Variants in ADGRF5 observed in about 807,000 individuals in gnomAD.
The protein encoded by ADGRF5 is adhesion G protein-coupled receptor F5.
A neutral mutation model predicts 132.3 loss-of-function variants in ADGRF5; 75 were observed. That is an observed-to-expected ratio of 0.57 (90% confidence interval 0.47 to 0.69). The LOEUF (loss-of-function observed/expected upper bound fraction) is 0.69. ADGRF5 is among the 30% of genes least tolerant of loss of function. The probability of loss-of-function intolerance (pLI) is 0.00; values close to 1 mark genes in which losing one functional copy is unlikely to be tolerated. For missense variants in ADGRF5, 1,516 were observed against 1,630.6 expected, an observed-to-expected ratio of 0.93 and a Z score of 1.21; for synonymous variants, 629 against 597.6, an observed-to-expected ratio of 1.05 and a Z score of -0.77.
intron 17 of ADGRF5, 96 bp from the exon 18 acceptor site, chr6:46,857,004 ACTT>A: frequency 1.1e-6 from 1 of 940,828 alleles, no homozygotes; most frequent in East Asian, 2.6e-5. Flanking sequence ...AATTTGTACT[ACTT>A]CTTTTTCCTT....
intron 1 of ADGRF5, among the ~76,000 whole-genome samples, chr6:46,937,249 T>A (rs1437639476): frequency 1.3e-5 from 2 of 151,646 alleles, no homozygotes; most frequent in East Asian, 1.9e-4. Context: ...TGTGTGTGTG[T>A]GTGAGTGTGT....
At chr6:46,880,720 T>C (rs920590457) in intron 8 of ADGRF5, among the ~76,000 whole-genome samples, 1 of 152,106 alleles carries the variant, frequency 6.6e-6, no homozygotes, top group Non-Finnish European at 1.5e-5. Context: ...GGGAGGTGAC[T>C]TGGAGAAACT....
At chr6:46,910,263 T>C (rs140819939) in intron 1 of ADGRF5, among the ~76,000 whole-genome samples, 1 of 152,310 alleles carries the variant, frequency 6.6e-6, no homozygotes, top group African/African-American at 2.4e-5. Flanking sequence ...GGATTGTGGG[T>C]AATAATTGCT....
chr6:46,903,096 G>T (rs1774938690), intron 2 of ADGRF5, among the ~76,000 whole-genome samples: 1 of 152,160 alleles, frequency 6.6e-6, no homozygotes, highest in Admixed American at 6.5e-5. Flanking sequence ...CCGGCATGGG[G>T]CTCACTGGGG....
chr6:46,928,237 T>G (rs1777354413), intron 1 of ADGRF5, among the ~76,000 whole-genome samples: 3 of 152,186 alleles, frequency 2.0e-5, no homozygotes, highest in Admixed American at 2.0e-4. Context: ...TTCCTAAGGA[T>G]GTTTATATTC....
In ADGRF5 at chr6:46,878,811, A is replaced by G. The variant is rs116652832; in HGVS notation, c.1037-406T>C. On this transcript the variant is annotated intron_variant, in intron 9 of 20. Coordinates refer to ENST00000283296, the MANE Select transcript of ADGRF5 (RefSeq NM_001098518.2). ...CCATATGTCTATAGCCCACCTCATC[A>G]TGCAGAGAAAAGAAGATGGCCCCAT... 9.0e-3 allele frequency among the ~76,000 whole-genome samples: 1,368 copies of G among 152,318 alleles called. 16 individuals are homozygous for G. Among genetic ancestry groups the G allele is most frequent in the African/African-American group, 0.031 (1,293 of 41,554 alleles).
In ADGRF5 at chr6:46,883,449, T is replaced by C. The variant is rs1581838836; in HGVS notation, c.612+110A>G. ...ATCTCAGATGTAAAAGAATAATAAA[T>C]CCACATCCGTAAATTCTGACAGATC... On this transcript the variant is annotated intron_variant, in intron 6 of 20. Coordinates refer to ENST00000283296, the MANE Select transcript of ADGRF5 (RefSeq NM_001098518.2). 6.1e-6 allele frequency: 4 copies of C among 654,738 alleles called. No individual in the cohort carries two copies. The South Asian group carries it at 7.6e-5, about 12-fold the overall frequency. The allele number at this position is 654,738 out of a possible 1,614,324, so 40.6% of individuals were successfully genotyped here. A position where few individuals can be genotyped will look rare whatever the true frequency, so the allele number is the denominator to read the frequency against.
intron 3 of ADGRF5, among the ~76,000 whole-genome samples, chr6:46,889,087 C>T (rs113284163): frequency 4.4e-4 from 67 of 151,176 alleles, no homozygotes; most frequent in African/African-American, 1.4e-3. Context: ...AAATTGTCTC[C>T]GGGTGGTTAC....
chr6:46,954,075 G>A (rs1383004199), intron 1 of ADGRF5, among the ~76,000 whole-genome samples: 2 of 151,828 alleles, frequency 1.3e-5, no homozygotes, highest in Non-Finnish European at 2.9e-5. Flanking sequence ...CCCAGCTAAG[G>A]AGTGAGCACC....
At chr6:46,878,107 A>C (rs978638303) in intron 10 of ADGRF5, 95 bp downstream of exon 10, 3 of 796,010 alleles carry the variant, frequency 3.8e-6, no homozygotes, top group African/African-American at 3.4e-5. Context: ...AATAACAGCC[A>C]TCTGACATTT....
At chr6:46,917,223 G>C (rs569780481) in intron 1 of ADGRF5, among the ~76,000 whole-genome samples, 1 of 152,328 alleles carries the variant, frequency 6.6e-6, no homozygotes, top group South Asian at 2.1e-4. Context: ...AAGTGGCCAA[G>C]TTTGTCTCCA....
chr6:46,951,245 C>T (rs1778489857), intron 1 of ADGRF5, among the ~76,000 whole-genome samples: 1 of 152,186 alleles, frequency 6.6e-6, no homozygotes, highest in African/African-American at 2.4e-5. Flanking sequence ...GGCATAGGAG[C>T]AACACGAAGC....
At chr6:46,880,960 T>G (rs1772397734) in intron 8 of ADGRF5, among the ~76,000 whole-genome samples, 1 of 150,732 alleles carries the variant, frequency 6.6e-6, no homozygotes, top group Non-Finnish European at 1.5e-5. Context: ...GTTAGCTGAG[T>G]ATGGAGGTGT....
chr6:46,862,585 GATA>G (rs1433007898), intron 15 of ADGRF5, among the ~76,000 whole-genome samples: 5 of 151,646 alleles, frequency 3.3e-5, no homozygotes, highest in Non-Finnish European at 7.4e-5. Context: ...TAAGAGAGAG[GATA>G]ATACCGCTGC....
At chr6:46,914,868 T>TG (rs1471153313) in intron 1 of ADGRF5, among the ~76,000 whole-genome samples, 3 of 152,102 alleles carry the variant, frequency 2.0e-5, no homozygotes, top group African/African-American at 7.2e-5. Context: ...TTTGTTTGTT[T>TG]TTTTTGAGAC....
rs960868596 is a variant in ADGRF5, at chr6:46,859,393, T to C, written c.2510A>G (p.Gln837Arg). The C allele has an allele frequency of 5.6e-6, 9 of 1,613,610 alleles. No homozygotes were observed. In the African/African-American group the frequency reaches 1.2e-4, roughly 22 times the overall value. Residue 837 changes from glutamine to arginine, a missense_variant, in exon 17 of 21, where the codon CAG becomes CGG. This residue lies in a region of ADGRF5 where 571 missense variants were observed against 701.2 expected (regional missense o/e 0.81). Transcript: ENST00000283296. ...HSVERFSQALQSGDSPPLSFS... is the reference protein window; with the variant it reads ...HSVERFSQALRSGDSPPLSFS... ...GGACAAAGGAGGGCTATCTCCCGAC[T>C]GTAATGCTTGGGAAAATCTTTCCAC... is the stretch of plus-strand genomic sequence containing the variant.
chr6:46,941,421 G>GAA (rs141941231), intron 1 of ADGRF5, among the ~76,000 whole-genome samples: 864 of 39,118 alleles, frequency 0.022, 20 homozygotes, highest in East Asian at 0.074. Flanking sequence ...GAAAAGAAAA[G>GAA]AAAAGAAAAG....
chr6:46,933,485 CT>C (rs1450751817), intron 1 of ADGRF5, among the ~76,000 whole-genome samples: 2 of 152,208 alleles, frequency 1.3e-5, no homozygotes, highest in Admixed American at 1.3e-4. Context: ...CACTGGTCTT[CT>C]CTGTCTCATA....
chr6:46,922,328 G>A (rs987095961), upstream of ADGRF5, among the ~76,000 whole-genome samples: 5 of 152,176 alleles, frequency 3.3e-5, no homozygotes, highest in African/African-American at 1.2e-4. Context: ...ATCCGCAGAA[G>A]AGAAGAGACC....
Sources: gnomAD v4.1 joint callset for allele counts (sites outside exome capture counted in the v4.1 genomes callset) on GRCh38, gnomAD v4.1.1 for gene constraint, gnomAD v4.1.1 regional missense constraint, MANE v1.5 for transcripts, NCBI Gene and HGNC (gene_info 2026-07-23, HGNC 2026-07-21) for gene names.